The following EXOC4 variants were observed in gnomAD, a reference collection of about 807,000 sequenced individuals.
EXOC4 encodes SEC8-like 1.
EXOC4 carries 71 observed loss-of-function variants against 107.2 expected under a neutral mutation model. That is an observed-to-expected ratio of 0.66 (90% CI 0.55 to 0.81). The LOEUF (loss-of-function observed/expected upper bound fraction) is 0.81. EXOC4 is among the 30% of genes least tolerant of loss of function. EXOC4 has a pLI of 0.00. For missense variants in EXOC4, 1,108 were observed against 1,189.6 expected, an observed-to-expected ratio of 0.93 and a Z score of 1.01; for synonymous variants, 456 against 441.2, an observed-to-expected ratio of 1.03 and a Z score of -0.42.
chr7:133,675,940 C>T (rs1377264873), intron 10 of EXOC4, among the ~76,000 whole-genome samples: 1 of 152,110 alleles, frequency 6.6e-6, no homozygotes, highest in Non-Finnish European at 1.5e-5. Context: ...TTGTTAGTTT[C>T]TGCCTTGTGT....
intron 9 of EXOC4, among the ~76,000 whole-genome samples, chr7:133,540,935 A>G (rs1365445286): frequency 1.3e-5 from 2 of 152,128 alleles, no homozygotes; most frequent in Non-Finnish European, 2.9e-5. Flanking sequence ...ACTTCTTGCT[A>G]TTTCCCCTTT....
Position 133,985,710 on chromosome 7 carries a change from A to G in EXOC4, c.2207-11782A>G, listed in dbSNP as rs78206863. ...TCTTACTTTCCAAATAAAATACTTTAAATTTAGACATTCATCTCTATATTT... is the reference window on the plus strand; with the variant it reads ...TCTTACTTTCCAAATAAAATACTTTGAATTTAGACATTCATCTCTATATTT... On this transcript the variant is annotated intron_variant, in intron 14 of 17. Transcript: ENST00000253861. 4.0e-3 allele frequency among the ~76,000 whole-genome samples: 610 copies of G among 152,352 alleles called. 5 individuals carry two copies. Among genetic ancestry groups the G allele is most frequent in the African/African-American group, 0.014 (571 of 41,592 alleles).
At chr7:133,870,953 G>A (rs1798737563) in intron 11 of EXOC4, among the ~76,000 whole-genome samples, 1 of 152,144 alleles carries the variant, frequency 6.6e-6, no homozygotes, top group South Asian at 2.1e-4. Flanking sequence ...TGAGAATAGA[G>A]GTACTCGGTA....
At chr7:133,974,869 G>A (rs1392828538) in intron 14 of EXOC4, among the ~76,000 whole-genome samples, 1 of 152,168 alleles carries the variant, frequency 6.6e-6, no homozygotes, top group Non-Finnish European at 1.5e-5. Context: ...TGGAATTCTT[G>A]TGTAAGTTTC....
chr7:133,490,764 A>G (rs1799357013), intron 9 of EXOC4, among the ~76,000 whole-genome samples: 1 of 152,222 alleles, frequency 6.6e-6, no homozygotes, highest in Non-Finnish European at 1.5e-5. Context: ...GTGATATGGG[A>G]AAATAAAGGT....
chr7:133,585,689 G>T lies in EXOC4; in HGVS notation c.1418-44356G>T, dbSNP rs1353103814. Among the ~76,000 whole-genome samples, 5 of 151,998 alleles carry T rather than the reference G, an allele frequency of 3.3e-5. No individual in the cohort carries two copies. In the East Asian group the frequency reaches 9.7e-4, roughly 29 times the overall value. ...TTCTAGAAGAGGAGATAAATGATAA[G>T]AAATACATACTTTTCTTTTTCTGAG... On this transcript the variant is annotated intron_variant, in intron 9 of 17. Transcript: ENST00000253861.
At chr7:133,277,971 C>T (rs1014311212) in intron 2 of EXOC4, among the ~76,000 whole-genome samples, 7 of 152,072 alleles carry the variant, frequency 4.6e-5, no homozygotes, top group African/African-American at 1.2e-4. Flanking sequence ...GATTGGGCTA[C>T]GTTATCTCAG....
intron 17 of EXOC4, among the ~76,000 whole-genome samples, chr7:134,037,800 A>G (rs1389746244): frequency 2.6e-5 from 4 of 152,190 alleles, no homozygotes; most frequent in Non-Finnish European, 4.4e-5. Flanking sequence ...AAGACTTCCT[A>G]TGAGTTTTTA....
chr7:133,499,653 G>C (rs963461340), intron 9 of EXOC4, among the ~76,000 whole-genome samples: 1 of 152,112 alleles, frequency 6.6e-6, no homozygotes, highest in Non-Finnish European at 1.5e-5. Flanking sequence ...GTCATCTCCA[G>C]TGTGGGAGGT....
intron 4 of EXOC4, among the ~76,000 whole-genome samples, chr7:133,309,422 A>G (rs534415629): frequency 7.6e-4 from 116 of 152,324 alleles, no homozygotes; most frequent in African/African-American, 2.5e-3. Context: ...GCCAAGAGAT[A>G]TTCTCAGATA....
At chr7:133,664,639 A>C (rs1199780324) in intron 10 of EXOC4, among the ~76,000 whole-genome samples, 1 of 152,168 alleles carries the variant, frequency 6.6e-6, no homozygotes, top group African/African-American at 2.4e-5. Context: ...GCTAACCCAT[A>C]AAGGCAAACA....
chr7:134,059,139 C>T (rs914469069), intron 17 of EXOC4, among the ~76,000 whole-genome samples: 1 of 152,166 alleles, frequency 6.6e-6, no homozygotes, highest in Non-Finnish European at 1.5e-5. Flanking sequence ...GCTGTCACCC[C>T]TACAGGCAAA....
At chr7:133,940,767 G>C (rs530137108) in intron 14 of EXOC4, among the ~76,000 whole-genome samples, 36 of 145,048 alleles carry the variant, frequency 2.5e-4, no homozygotes, top group African/African-American at 8.7e-4. Flanking sequence ...CAAGGGGACA[G>C]CTTTTTATTA....
intron 11 of EXOC4, among the ~76,000 whole-genome samples, chr7:133,865,216 T>TA (rs999073772): frequency 3.9e-5 from 6 of 151,952 alleles, no homozygotes; most frequent in East Asian, 1.9e-4. Flanking sequence ...TTCATTTCCT[T>TA]AAAAAAAACC....
At chr7:133,805,601 C>T (rs1003279163) in intron 10 of EXOC4, among the ~76,000 whole-genome samples, 1 of 152,072 alleles carries the variant, frequency 6.6e-6, no homozygotes, top group African/African-American at 2.4e-5. Context: ...TCACCATACA[C>T]GTAAGGGAGA....
chr7:133,752,866 C>T (rs937208191), intron 10 of EXOC4, among the ~76,000 whole-genome samples: 1 of 152,174 alleles, frequency 6.6e-6, no homozygotes, highest in Non-Finnish European at 1.5e-5. Flanking sequence ...GGTGTTTCAC[C>T]AGTCTCAGTT....
At chr7:133,608,294 A>AG (rs1801995682) in intron 9 of EXOC4, among the ~76,000 whole-genome samples, 1 of 152,150 alleles carries the variant, frequency 6.6e-6, no homozygotes, top group Non-Finnish European at 1.5e-5. Flanking sequence ...TTAGGTTAAC[A>AG]GTTTGTTTGA....
intron 9 of EXOC4, among the ~76,000 whole-genome samples, chr7:133,548,955 C>G (rs146965887): frequency 6.6e-6 from 1 of 152,202 alleles, no homozygotes; most frequent in Non-Finnish European, 1.5e-5. Flanking sequence ...TGGCTTTCTA[C>G]GTGCCTTCCT....
At chr7:133,634,838 A>G (rs941102810) in intron 10 of EXOC4, among the ~76,000 whole-genome samples, 2 of 152,178 alleles carry the variant, frequency 1.3e-5, no homozygotes, top group Non-Finnish European at 2.9e-5. Flanking sequence ...ACAAAACCGT[A>G]TTAAAACAAA....
Sources: allele counts gnomAD v4.1 joint callset (sites outside exome capture counted in the v4.1 genomes callset), GRCh38; gene constraint gnomAD v4.1.1; transcripts MANE v1.5; gene names NCBI Gene and HGNC (gene_info 2026-07-23, HGNC 2026-07-21).